The following NFKBIZ variants were observed in gnomAD, a reference collection of about 807,000 sequenced individuals.
The protein encoded by NFKBIZ is NF-kappa-B inhibitor zeta.
Under a neutral mutation model 76.8 loss-of-function variants are expected in NFKBIZ, and 19 were observed. That is an observed-to-expected ratio of 0.25 (90% CI 0.17 to 0.36). The LOEUF is 0.36. Among genes scored for constraint, NFKBIZ ranks in the 10% least tolerant of loss-of-function variants. NFKBIZ has a pLI of 1.00. For synonymous variants in NFKBIZ, 368 were observed against 354.8 expected, an observed-to-expected ratio of 1.04 and a Z score of -0.42; for missense variants, 829 against 910.9, an observed-to-expected ratio of 0.91 and a Z score of 1.16.
chr3:101,857,246 A>G (rs371078234), intron 10 of NFKBIZ, 46 bp from the exon 11 acceptor site: 1 of 1,612,274 alleles, frequency 6.2e-7, no homozygotes, highest in Non-Finnish European at 8.5e-7. Flanking sequence ...CCTTTCATGA[A>G]ATTTCCCCCT....
At chr3:101,840,258 AC>A (rs1164791462) in intron 2 of NFKBIZ, among the ~76,000 whole-genome samples, 2 of 152,208 alleles carry the variant, frequency 1.3e-5, no homozygotes, top group African/African-American at 4.8e-5. Flanking sequence ...GACAAAGCTC[AC>A]CTACTTCATT....
intron 2 of NFKBIZ, among the ~76,000 whole-genome samples, chr3:101,829,879 T>TGTGTGTG (rs368763761): frequency 1.3e-5 from 2 of 150,284 alleles, no homozygotes; most frequent in Non-Finnish European, 3.0e-5. Flanking sequence ...CTAAGATTTT[T>TGTGTGTG]TGTGTGTGTG....
At chr3:101,834,464 A>G (rs1437817302) in intron 2 of NFKBIZ, among the ~76,000 whole-genome samples, 1 of 151,950 alleles carries the variant, frequency 6.6e-6, no homozygotes, top group East Asian at 1.9e-4. Context: ...GGGTTCAAGC[A>G]ATTCTCCTGC....
chr3:101,833,182 C>T lies in NFKBIZ; in HGVS notation c.-12+3494C>T, dbSNP rs548210386. ...GTCAGATCTTTTTGGAAATTTGGAC[C>T]GCTGGCAATGCAGTTCCACATCTTA... On this transcript the variant is annotated intron_variant, in intron 2 of 12. Coordinates refer to the NFKBIZ transcript ENST00000394054. 2.0e-4 allele frequency among the ~76,000 whole-genome samples: 31 copies of T among 152,208 alleles called. No homozygotes were observed. In the South Asian group the frequency reaches 5.2e-3, roughly 25 times the overall value.
rs557746328 is a variant in NFKBIZ at position 101,849,932 on chromosome 3, C to G, written c.289+15C>G. The G allele has an allele frequency of 2.9e-6, 4 of 1,379,638 alleles. No homozygotes were observed. The highest frequency in any genetic ancestry group is 1.7e-5 in the South Asian group (1 of 59,804). 85.5% of individuals were successfully genotyped at this position (1,379,638 alleles called of 1,614,324 possible). ...GCGCCAGCCAGGTACCCGCCGGCCC[C>G]GCACCGCTGCGTACTCGGGGCGCGC... On this transcript the variant is annotated intron_variant, in intron 1 of 11. Coordinates refer to ENST00000326172, the MANE Select transcript of NFKBIZ (RefSeq NM_031419.4).
intron 2 of NFKBIZ, among the ~76,000 whole-genome samples, chr3:101,829,912 AT>A (rs1227495519): frequency 1.3e-5 from 2 of 151,662 alleles, no homozygotes; most frequent in African/African-American, 2.4e-5. Flanking sequence ...GTTTAGTAGT[AT>A]TTTTTTAAAC....
chr3:101,852,646 T>C, intron 2 of NFKBIZ, 92 bp from the exon 3 acceptor site: 1 of 813,214 alleles, frequency 1.2e-6, no homozygotes, highest in Non-Finnish European at 2.0e-6. Flanking sequence ...TATGGTAAGC[T>C]ATAAAGGGTG....
intron 2 of NFKBIZ, among the ~76,000 whole-genome samples, chr3:101,844,097 A>C (rs2107405009): frequency 6.6e-6 from 1 of 152,378 alleles, no homozygotes; most frequent in East Asian, 1.9e-4. Flanking sequence ...TTGTCAGTCA[A>C]GTATAATTGG....
intron 11 of NFKBIZ, chr3:101,857,880 T>TAAGA: frequency 6.8e-6 from 6 of 887,788 alleles, no homozygotes; most frequent in Non-Finnish European, 8.1e-6. Context: ...GGGTACAGAG[T>TAAGA]AAGAGATCAG....
intron 2 of NFKBIZ, among the ~76,000 whole-genome samples, chr3:101,841,219 C>A (rs1397442787): frequency 6.6e-6 from 1 of 152,190 alleles, no homozygotes; most frequent in Non-Finnish European, 1.5e-5. Flanking sequence ...ACCTTTTGAT[C>A]TTTCCAGATT....
rs1167087232 is a variant in NFKBIZ at position 101,853,559 on chromosome 3, G to C, written c.1033G>C (p.Gly345Arg). The change falls in exon 5 of 12, where the codon GGT (glycine) becomes CGT (arginine). Residue 345 changes from glycine to arginine, a missense_variant. Gly to Arg is a moderately radical substitution (Grantham distance 125). Coordinates refer to ENST00000326172, the MANE Select transcript of NFKBIZ (RefSeq NM_031419.4). Reference protein sequence around the residue: ...CPNQSLVSLLGDQRESENIAN... With the variant: ...CPNQSLVSLLRDQRESENIAN... ...AAACCAAAGCTTAGTTTCCCTTCTT[G>C]GTGATCAAAGGGAATCTGAGAATAT... The C allele has an allele frequency of 6.2e-7, 1 of 1,614,182 alleles. No homozygotes were observed. The highest frequency in any genetic ancestry group is 8.5e-7 in the Non-Finnish European group (1 of 1,180,038).
intron 11 of NFKBIZ, 122 bp from the exon 12 acceptor site, chr3:101,859,196 G>A (rs930814247): frequency 5.2e-5 from 34 of 649,472 alleles, no homozygotes; most frequent in African/African-American, 2.7e-4. Context: ...GTATTTCTTC[G>A]TATACTTACA....
upstream of NFKBIZ, among the ~76,000 whole-genome samples, chr3:101,847,909 T>A (rs1942876938): frequency 6.6e-6 from 1 of 152,256 alleles, no homozygotes; most frequent in African/African-American, 2.4e-5. Flanking sequence ...TCCCTTGTGA[T>A]CTGGAGCTGG....
intron 2 of NFKBIZ, among the ~76,000 whole-genome samples, chr3:101,834,347 CT>C (rs1486005201): frequency 6.6e-6 from 1 of 151,394 alleles, no homozygotes; most frequent in African/African-American, 2.4e-5. Flanking sequence ...TCCTTCCTTC[CT>C]TCCTTTCCCT....
intron 2 of NFKBIZ, among the ~76,000 whole-genome samples, chr3:101,832,386 AC>A (rs1394013749): frequency 9.9e-5 from 15 of 152,178 alleles, no homozygotes; most frequent in Admixed American, 9.8e-4. Flanking sequence ...TCATATTACA[AC>A]TTTTGCCACC....
chr3:101,848,919 A>T (rs1028772898), upstream of NFKBIZ: 1 of 152,270 alleles, frequency 6.6e-6, no homozygotes, highest in South Asian at 2.1e-4. Context: ...AACCGTCGAC[A>T]AACGCTATGT....
intron 2 of NFKBIZ, among the ~76,000 whole-genome samples, chr3:101,835,932 C>G (rs1339458253): frequency 1.3e-5 from 2 of 152,128 alleles, no homozygotes; most frequent in Non-Finnish European, 2.9e-5. Flanking sequence ...AAGCAAACTT[C>G]TAGCTACTCT....
intron 2 of NFKBIZ, among the ~76,000 whole-genome samples, chr3:101,833,183 G>A (rs983983832): frequency 5.9e-5 from 9 of 152,174 alleles, no homozygotes; most frequent in Admixed American, 5.9e-4. Context: ...AATTTGGACC[G>A]CTGGCAATGC....
chr3:101,842,592 C>CTTTTTTTTTTTTTTTTT (rs573749526), intron 2 of NFKBIZ, among the ~76,000 whole-genome samples: 1 of 130,352 alleles, frequency 7.7e-6, no homozygotes, highest in Admixed American at 7.6e-5. Context: ...CTTTTCTTTT[C>CTTTTTTTTTTTTTTTTT]TTTTTTTTTT....
Sources: allele counts gnomAD v4.1 joint callset (sites outside exome capture counted in the v4.1 genomes callset), GRCh38; gene constraint gnomAD v4.1.1; transcripts MANE v1.5; gene names NCBI Gene and HGNC (gene_info 2026-07-23, HGNC 2026-07-21).